IL10RB: variants seen among roughly 807,000 people sequenced by gnomAD.
IL10RB encodes interleukin-10 receptor subunit beta.
In IL10RB, 30 loss-of-function variants were observed where a neutral mutation model predicts 38.7. The ratio of observed to expected loss-of-function variants is 0.78; its 90% confidence interval spans 0.58 to 1.05. The LOEUF (loss-of-function observed/expected upper bound fraction) is 1.05, where lower values mean the gene tolerates loss of function less well. IL10RB is among the 50% of genes least tolerant of loss of function. The pLI is 0.00. For synonymous variants in IL10RB, 142 were observed against 145.9 expected (o/e 0.97, Z 0.19); for missense variants, 328 against 397.1 (o/e 0.83, Z 1.48).
At chr21:33,292,092 C>T (rs1258659960) in intron 6 of IL10RB, among the ~76,000 whole-genome samples, 1 of 152,136 alleles carries the variant, frequency 6.6e-6, no homozygotes, top group Non-Finnish European at 1.5e-5. Context: ...TCTCCACGCT[C>T]CAGCTACTCC....
At chr21:33,303,984 G>A (rs370173512) in intron 1 of IL10RB, among the ~76,000 whole-genome samples, 22 of 152,302 alleles carry the variant, frequency 1.4e-4, no homozygotes, top group African/African-American at 5.3e-4. Flanking sequence ...GGATGGAGCA[G>A]CTCCCTAGGG....
At chr21:33,290,724 G>A (rs1378586069) in intron 6 of IL10RB, among the ~76,000 whole-genome samples, 5 of 152,200 alleles carry the variant, frequency 3.3e-5, no homozygotes, top group Non-Finnish European at 5.9e-5. Context: ...TCAACAGGCC[G>A]CTCCGTCCTT....
At chr21:33,287,095 A>T (rs1989388164) in intron 5 of IL10RB, among the ~76,000 whole-genome samples, 1 of 152,112 alleles carries the variant, frequency 6.6e-6, no homozygotes, top group Non-Finnish European at 1.5e-5. Flanking sequence ...CAGATCATTG[A>T]GAAAAATATC....
intron 1 of IL10RB, among the ~76,000 whole-genome samples, chr21:33,304,039 G>A (rs1445362933): frequency 6.6e-6 from 1 of 152,198 alleles, no homozygotes; most frequent in South Asian, 2.1e-4. Context: ...GGCTGATGGG[G>A]CAGTGCCAGA....
chr21:33,278,046 CAAAAAAA>C (rs58709699), intron 3 of IL10RB, among the ~76,000 whole-genome samples: 38 of 118,910 alleles, frequency 3.2e-4, no homozygotes, highest in African/African-American at 6.5e-4. Flanking sequence ...AAAAAAATAC[CAAAAAAA>C]AAAAAAAAAA....
intron 5 of IL10RB, among the ~76,000 whole-genome samples, chr21:33,285,863 C>T (rs1568908792): frequency 1.3e-5 from 2 of 152,112 alleles, no homozygotes; most frequent in Admixed American, 6.6e-5. Flanking sequence ...GACTGGGGGC[C>T]GCTCCAGCCA....
chr21:33,295,700 G>C, intron 6 of IL10RB, among the ~76,000 whole-genome samples: 1 of 144,996 alleles, frequency 6.9e-6, no homozygotes, highest in Admixed American at 7.0e-5. Context: ...ATCTTCGTTT[G>C]TATAGCAGTG....
In IL10RB at chr21:33,276,773, C is replaced by CT. The variant is rs747904076; in HGVS notation, c.331+27dup. 2 of 1,609,884 alleles carry CT rather than the reference C, an allele frequency of 1.2e-6. No individual in the cohort carries two copies. The highest frequency in any genetic ancestry group is 2.2e-5 in the East Asian group (1 of 44,852). ...ATGACAGTAAGCCATTTTGTTTTCC[C>CT]TTTTTTTGTAATGTCATCATCTTGC... On this transcript the variant is annotated intron_variant, in intron 3 of 6. Coordinates refer to ENST00000290200, the MANE Select transcript of IL10RB (RefSeq NM_000628.5).
chr21:33,294,393 G>A (rs1033387131), intron 6 of IL10RB, among the ~76,000 whole-genome samples: 3 of 148,880 alleles, frequency 2.0e-5, no homozygotes, highest in African/African-American at 7.3e-5. Context: ...GTGTGTGCGT[G>A]TGTGTGTGTG....
intron 2 of IL10RB, among the ~76,000 whole-genome samples, chr21:33,271,205 C>T (rs1313156615): frequency 1.3e-5 from 2 of 152,180 alleles, no homozygotes; most frequent in Non-Finnish European, 2.9e-5. Flanking sequence ...ATGTGATTGC[C>T]TCATGTGGCT....
At position 33,279,752 on chromosome 21, in the gene IL10RB, C is replaced by G. The variant is rs769595310; in HGVS notation, c.332C>G (p.Thr111Ser). The G allele has an allele frequency of 3.7e-6, 6 of 1,613,118 alleles. No homozygotes were observed. The Middle Eastern group carries it at 5.0e-4, about 133-fold the overall frequency. ...VNITFCPVDD[T>S]IIGPPGMQVE... ...TCATTTTGCTTGTTCTTCTGCTTAG[C>G]CATTATTGGACCCCCTGGAATGCAA... The change falls in exon 4 of 7, where the codon ACC (threonine) becomes AGC (serine). Residue 111 changes from threonine to serine, a missense_variant and splice_region_variant. Physicochemically the swap from Thr to Ser is moderately conservative, Grantham distance 58. Coordinates refer to ENST00000290200, the MANE Select transcript of IL10RB (RefSeq NM_000628.5).
Position 33,296,441 on chromosome 21 carries a change from C to T in IL10RB, c.*84C>T, listed in dbSNP as rs1472717655. On this transcript the variant is annotated 3_prime_UTR_variant, in exon 7 of 7. Transcript: ENST00000290200. ...CTCAGTGAGGGATCAGGGCAGCAAA[C>T]AAGGGCCAAGACCATCTGAGCCAGC... is the stretch of plus-strand genomic sequence containing the variant. 5.1e-6 allele frequency: 7 copies of T among 1,375,888 alleles called. No individual in the cohort carries two copies. The highest frequency in any genetic ancestry group is 6.1e-6 in the Non-Finnish European group (6 of 984,600). The allele number at this position is 1,375,888 out of a possible 1,614,324, so 85.2% of individuals were successfully genotyped here.
chr21:33,291,576 A>G (rs1989487779), intron 6 of IL10RB, among the ~76,000 whole-genome samples: 1 of 152,136 alleles, frequency 6.6e-6, no homozygotes, highest in South Asian at 2.1e-4. Flanking sequence ...CAGAACATGA[A>G]TTTTGTAGGA....
intron 5 of IL10RB, among the ~76,000 whole-genome samples, chr21:33,283,567 A>G (rs1989318774): frequency 6.6e-6 from 1 of 152,162 alleles, no homozygotes; most frequent in South Asian, 2.1e-4. Context: ...TCCCAAGACC[A>G]CCAGCAGAGC....
intron 6 of IL10RB, among the ~76,000 whole-genome samples, chr21:33,293,289 G>A (rs1253943371): frequency 6.6e-6 from 1 of 152,246 alleles, no homozygotes; most frequent in East Asian, 1.9e-4. Flanking sequence ...GTCAGCTGAT[G>A]CAGGCTGCCT....
rs1409866474 is a variant in IL10RB, at chr21:33,296,803, C to G, written c.*446C>G. On this transcript the variant is annotated 3_prime_UTR_variant, in exon 7 of 7. Transcript: ENST00000290200. ...TCTCTACTAAAAATACAAAAATTAG[C>G]TAGGCATGATGGCGCATGCCTATAA... 1 of 347,050 alleles carries G rather than the reference C, an allele frequency of 2.9e-6. No individual in the cohort carries two copies. The highest frequency in any genetic ancestry group is 3.9e-5 in the Admixed American group (1 of 25,528). 21.5% of individuals were successfully genotyped at this position (347,050 alleles called of 1,614,324 possible). A position where few individuals can be genotyped will look rare whatever the true frequency, so the allele number is the denominator to read the frequency against.
chr21:33,293,957 C>T (rs1482377545), intron 6 of IL10RB: 1 of 470,704 alleles, frequency 2.1e-6, no homozygotes, highest in South Asian at 1.5e-5. Context: ...TAACTGAGAA[C>T]CAAAAGGAAA....
intron 1 of IL10RB, among the ~76,000 whole-genome samples, chr21:33,304,054 G>A (rs567293254): frequency 4.6e-5 from 7 of 152,276 alleles, no homozygotes; most frequent in East Asian, 1.9e-4. Flanking sequence ...GCCAGAGCCC[G>A]CTAGAAAACC....
chr21:33,286,670 G>A (rs1017143308), intron 5 of IL10RB, among the ~76,000 whole-genome samples: 24 of 127,236 alleles, frequency 1.9e-4, no homozygotes, highest in Non-Finnish European at 2.8e-4. Context: ...GGCCAAAATA[G>A]TGGGACCCCC....
Sources: allele counts gnomAD v4.1 joint callset (sites outside exome capture counted in the v4.1 genomes callset), GRCh38; gene constraint gnomAD v4.1.1; transcripts MANE v1.5; gene names NCBI Gene and HGNC (gene_info 2026-07-23, HGNC 2026-07-21).